GABBR2: variants seen among roughly 807,000 people sequenced by gnomAD.
GABBR2 encodes gamma-aminobutyric acid type B receptor subunit 2.
A neutral mutation model predicts 105.6 loss-of-function variants in GABBR2; 23 were observed. That is an observed-to-expected ratio of 0.22 (90% CI 0.16 to 0.31). The LOEUF is 0.31. Ranked by LOEUF, GABBR2 falls within the 10% of genes least tolerant of loss-of-function variation. GABBR2 has a pLI of 1.00. For synonymous variants in GABBR2, 478 were observed against 499.7 expected (o/e 0.96, Z 0.58); for missense variants, 734 against 1,245.5 (o/e 0.59, Z 6.18).
intron 3 of GABBR2, among the ~76,000 whole-genome samples, chr9:98,511,386 G>T (rs904108537): frequency 4.0e-5 from 6 of 149,886 alleles, no homozygotes; most frequent in Non-Finnish European, 7.4e-5. Context: ...GCTAGCAGAA[G>T]GCAAGAAATA....
intron 1 of GABBR2, among the ~76,000 whole-genome samples, chr9:98,655,996 T>G (rs1193161703): frequency 6.6e-6 from 1 of 152,130 alleles, no homozygotes; most frequent in Non-Finnish European, 1.5e-5. Context: ...ATAACAGAGA[T>G]TTTGGACTTT....
At position 98,324,751 on chromosome 9, in the gene GABBR2, T is replaced by G. The variant is rs1298368747; in HGVS notation, c.1894-13546A>C. On this transcript the variant is annotated intron_variant, in intron 13 of 18. Coordinates refer to ENST00000259455, the MANE Select transcript of GABBR2 (RefSeq NM_005458.8). ...AGTGTGCATCCCTCCTTCTGTGCTC[T>G]GCAGTGGGGCTCATTTTTCTGGGCC... is the stretch of plus-strand genomic sequence containing the variant. Among the ~76,000 whole-genome samples the G allele has an allele frequency of 2.0e-5, 3 of 152,324 alleles. No individual in the cohort carries two copies. The East Asian group carries it at 5.8e-4, about 29-fold the overall frequency.
intron 1 of GABBR2, among the ~76,000 whole-genome samples, chr9:98,679,894 A>G (rs961688266): frequency 1.3e-5 from 2 of 152,256 alleles, no homozygotes. Context: ...TGTCCAATCA[A>G]CTATCTCCAC....
chr9:98,592,065 C>T (rs1335786285), intron 1 of GABBR2, among the ~76,000 whole-genome samples: 1 of 152,216 alleles, frequency 6.6e-6, no homozygotes, highest in African/African-American at 2.4e-5. Context: ...GGAACAACCG[C>T]CATCTTGAAT....
Position 98,311,141 on chromosome 9 carries a change from A to G in GABBR2, c.1958T>C (p.Met653Thr). 1 of 1,613,664 alleles carries G rather than the reference A, an allele frequency of 6.2e-7. No homozygotes were observed. The change falls in exon 14 of 19, where the codon ATG becomes ACG. Residue 653 changes from methionine to threonine, a missense_variant. Transcript: ENST00000259455. ...ATAGACGATGCCAAGCCAGATGGTC[A>G]TATGGGTGTTCTCACAGTGCTCCAG... ...PLLEHCENTH[M>T]TIWLGIVYAY...
intron 2 of GABBR2, among the ~76,000 whole-genome samples, chr9:98,550,719 A>T (rs1828473299): frequency 6.6e-6 from 1 of 152,122 alleles, no homozygotes; most frequent in Non-Finnish European, 1.5e-5. Flanking sequence ...TAGAACTAAG[A>T]TTGTAAGCTC....
intron 1 of GABBR2, among the ~76,000 whole-genome samples, chr9:98,672,882 T>C (rs1830423418): frequency 6.6e-6 from 1 of 152,226 alleles, no homozygotes; most frequent in African/African-American, 2.4e-5. Context: ...CTGGGAGATT[T>C]GGCAATTTCA....
intron 15 of GABBR2, among the ~76,000 whole-genome samples, chr9:98,303,747 C>T (rs1016724572): frequency 1.3e-5 from 2 of 152,244 alleles, no homozygotes; most frequent in African/African-American, 4.8e-5. Flanking sequence ...TGCCTTAGGC[C>T]TTGCTCCTTG....
intron 2 of GABBR2, among the ~76,000 whole-genome samples, chr9:98,558,403 A>G (rs1384248226): frequency 6.6e-6 from 1 of 152,212 alleles, no homozygotes; most frequent in African/African-American, 2.4e-5. Context: ...TTAGTGATCT[A>G]TTAGTTATGT....
intron 13 of GABBR2, among the ~76,000 whole-genome samples, chr9:98,317,440 G>C (rs1401525727): frequency 6.6e-6 from 1 of 152,244 alleles, no homozygotes; most frequent in Non-Finnish European, 1.5e-5. Context: ...CTGACAGGCA[G>C]GGAGTTGGAG....
chr9:98,306,406 G>A lies in GABBR2; in HGVS notation c.2005-61C>T. The A allele has an allele frequency of 8.7e-7, 1 of 1,147,200 alleles. No homozygotes were observed. Among genetic ancestry groups the A allele is most frequent in the Admixed American group, 1.9e-5 (1 of 52,818 alleles). 71.1% of individuals were successfully genotyped at this position (1,147,200 alleles called of 1,614,324 possible). ...TACCAAGGGGTGGCACACACAGGCTGCTCTGAGAAGCTGTGGAGTGGAGGG... is the reference window on the plus strand; with the variant it reads ...TACCAAGGGGTGGCACACACAGGCTACTCTGAGAAGCTGTGGAGTGGAGGG... On this transcript the variant is annotated intron_variant, in intron 14 of 18. Coordinates refer to ENST00000259455, the MANE Select transcript of GABBR2 (RefSeq NM_005458.8). This position sits in a 1 kb window ranked among gnomAD's most constrained non-coding sequence, Gnocchi z 5.4.
chr9:98,377,081 T>A (rs1430983250), intron 11 of GABBR2, among the ~76,000 whole-genome samples: 2 of 152,214 alleles, frequency 1.3e-5, no homozygotes, highest in South Asian at 2.1e-4. Context: ...ACAACTGCCC[T>A]TGGCAGCCTT....
intron 7 of GABBR2, among the ~76,000 whole-genome samples, chr9:98,408,557 G>C (rs977706471): frequency 2.0e-5 from 3 of 152,206 alleles, no homozygotes; most frequent in African/African-American, 7.2e-5. Flanking sequence ...TTCTCAAGAA[G>C]TTCTGCCCAA....
intron 17 of GABBR2, among the ~76,000 whole-genome samples, chr9:98,295,100 T>C (rs1830359469): frequency 2.0e-5 from 3 of 152,222 alleles, no homozygotes; most frequent in Admixed American, 2.0e-4. Context: ...ATGAATTTTG[T>C]ATTTGCGAAC....
At chr9:98,359,770 G>A (rs183381674) in intron 13 of GABBR2, among the ~76,000 whole-genome samples, 30 of 152,356 alleles carry the variant, frequency 2.0e-4, no homozygotes, top group African/African-American at 5.5e-4. Context: ...GATGCCGGCC[G>A]TGGCGTGCTT....
At chr9:98,543,149 C>T (rs1828336174) in intron 2 of GABBR2, among the ~76,000 whole-genome samples, 1 of 151,968 alleles carries the variant, frequency 6.6e-6, no homozygotes, top group African/African-American at 2.4e-5. Context: ...ATTGTCTGTT[C>T]CTGAAGGCCC....
chr9:98,514,000 A>T (rs761312770), intron 3 of GABBR2, among the ~76,000 whole-genome samples: 91 of 152,184 alleles, frequency 6.0e-4, no homozygotes, highest in Non-Finnish European at 1.1e-3. Context: ...AAGACTTGGA[A>T]CCAACCTAAA....
At chr9:98,515,147 G>A (rs1175108061) in intron 3 of GABBR2, among the ~76,000 whole-genome samples, 1 of 152,212 alleles carries the variant, frequency 6.6e-6, no homozygotes, top group East Asian at 1.9e-4. Flanking sequence ...GGGTTGCACA[G>A]GCTGTAGAAG....
At chr9:98,643,867 T>C (rs1448305798) in intron 1 of GABBR2, among the ~76,000 whole-genome samples, 1 of 152,086 alleles carries the variant, frequency 6.6e-6, no homozygotes, top group Non-Finnish European at 1.5e-5. Context: ...GGAGAAAAGC[T>C]TCAAGAGAAC....
Sources: gnomAD v4.1 joint callset for allele counts (sites outside exome capture counted in the v4.1 genomes callset) on GRCh38, gnomAD v4.1.1 for gene constraint, Gnocchi (gnomAD v3.1) non-coding constraint, MANE v1.5 for transcripts, NCBI Gene and HGNC (gene_info 2026-07-23, HGNC 2026-07-21) for gene names.